MARCHF5: variants seen among roughly 807,000 people sequenced by gnomAD.
MARCHF5 encodes the protein membrane associated ring-CH-type finger 5.
MARCHF5 carries 5 observed loss-of-function variants against 36.5 expected under a neutral mutation model. The ratio of observed to expected loss-of-function variants is 0.14; its 90% CI spans 0.07 to 0.29. The LOEUF is 0.29. Ranked by LOEUF, MARCHF5 falls within the 10% of genes least tolerant of loss-of-function variation. The pLI, the probability that MARCHF5 is intolerant of heterozygous loss-of-function variation, is 1.00. For synonymous variants in MARCHF5, 103 were observed against 109.9 expected, an observed-to-expected ratio of 0.94 and a Z score of 0.39; for missense variants, 179 against 336.3, an observed-to-expected ratio of 0.53 and a Z score of 3.66.
intron 1 of MARCHF5, among the ~76,000 whole-genome samples, chr10:92,295,354 A>C: frequency 1.1e-5 from 1 of 92,070 alleles, no homozygotes; most frequent in Non-Finnish European, 2.1e-5. Flanking sequence ...GCGAAGTCTC[A>C]CTCTGTCACT....
chr10:92,349,358 C>A lies in MARCHF5; in HGVS notation c.379C>A (p.His127Asn). 1 of 1,610,326 alleles carries A rather than the reference C, an allele frequency of 6.2e-7. No individual in the cohort carries two copies. Among genetic ancestry groups the A allele is most frequent in the South Asian group, 1.1e-5 (1 of 90,254 alleles). ...GCTATCTGTTTCACAGGTTGTAGGT[C>A]ATAAAGAAGGTCTGGATGTTATGGA... is the stretch of plus-strand genomic sequence containing the variant. ...GAVTVMQVVG[H>N]KEGLDVMERA... The change falls in exon 4 of 6, where the codon CAT (histidine) becomes AAT (asparagine). Residue 127 changes from histidine (H) to asparagine (N), a missense_variant. This residue lies in a region of MARCHF5 where 66 missense variants were observed against 180.5 expected (regional missense o/e 0.37). Transcript: ENST00000358935.
chr10:92,325,181 A>G (rs1843340841), intron 2 of MARCHF5, among the ~76,000 whole-genome samples: 1 of 152,202 alleles, frequency 6.6e-6, no homozygotes, highest in South Asian at 2.1e-4. Context: ...AAAAAAAAGA[A>G]AAAGAAAAAC....
At chr10:92,292,563 A>G (rs1376857560) in intron 1 of MARCHF5, among the ~76,000 whole-genome samples, 1 of 152,108 alleles carries the variant, frequency 6.6e-6, no homozygotes, top group African/African-American at 2.4e-5. Context: ...AACACAAATG[A>G]CCCAAGGGTA....
At chr10:92,334,047 A>G (rs918474932) in intron 2 of MARCHF5, among the ~76,000 whole-genome samples, 3 of 152,134 alleles carry the variant, frequency 2.0e-5, no homozygotes, top group Non-Finnish European at 4.4e-5. Context: ...AAAATTAGCT[A>G]GGTGTGGTGG....
chr10:92,342,288 A>G (rs1843590149), intron 3 of MARCHF5, among the ~76,000 whole-genome samples: 2 of 151,982 alleles, frequency 1.3e-5, no homozygotes, highest in African/African-American at 4.8e-5. Flanking sequence ...AGCTGGGACT[A>G]CAGGCACACA....
In MARCHF5 at chr10:92,352,747, TTGAA is replaced by T. The variant is rs1402052924; in HGVS notation, c.*1544_*1547del. 2 of 152,648 alleles carry T rather than the reference TTGAA, an allele frequency of 1.3e-5. No individual in the cohort carries two copies. Among genetic ancestry groups the T allele is most frequent in the African/African-American group, 4.8e-5 (2 of 41,456 alleles). 9.5% of individuals were successfully genotyped at this position (152,648 alleles called of 1,614,324 possible). On this transcript the variant is annotated 3_prime_UTR_variant, in exon 6 of 6. Transcript: ENST00000358935. ...TAATTTTGAGTTATATGATGTTTATTTGAATGACTGTTGAACATTCAAATTTGTA... is the reference window on the plus strand; with the variant it reads ...TAATTTTGAGTTATATGATGTTTATTTGACTGTTGAACATTCAAATTTGTA...
intron 3 of MARCHF5, among the ~76,000 whole-genome samples, chr10:92,343,927 A>C (rs1843610113): frequency 6.6e-6 from 1 of 152,196 alleles, no homozygotes; most frequent in African/African-American, 2.4e-5. Context: ...TCACCTGAGG[A>C]GGGAGGATCA....
chr10:92,310,282 C>T (rs1161608811), intron 1 of MARCHF5, among the ~76,000 whole-genome samples: 2 of 152,070 alleles, frequency 1.3e-5, no homozygotes, highest in East Asian at 1.9e-4. Context: ...AGGGGAGGAG[C>T]GAAGGGTCTC....
chr10:92,336,929 C>T (rs751988866), intron 2 of MARCHF5, among the ~76,000 whole-genome samples: 2 of 151,996 alleles, frequency 1.3e-5, no homozygotes, highest in Non-Finnish European at 2.9e-5. Context: ...TTGAGACCAG[C>T]CTAGGCAACG....
At chr10:92,336,014 T>C (rs1843498191) in intron 2 of MARCHF5, among the ~76,000 whole-genome samples, 1 of 152,206 alleles carries the variant, frequency 6.6e-6, no homozygotes, top group South Asian at 2.1e-4. Flanking sequence ...AAGATCATTT[T>C]CCCTTTGGAG....
At chr10:92,312,156 G>A (rs1843152273) in intron 2 of MARCHF5, among the ~76,000 whole-genome samples, 1 of 152,104 alleles carries the variant, frequency 6.6e-6, no homozygotes, top group South Asian at 2.1e-4. Flanking sequence ...GGGGCAGAGG[G>A]AATTCAGGAA....
chr10:92,333,916 G>A (rs574381883), intron 2 of MARCHF5, among the ~76,000 whole-genome samples: 2 of 152,254 alleles, frequency 1.3e-5, no homozygotes, highest in African/African-American at 4.8e-5. Flanking sequence ...AGGGCCGGGT[G>A]CAGTGCCTCA....
chr10:92,291,572 C>T, intron 1 of MARCHF5, 43 bp downstream of exon 1: 1 of 1,505,894 alleles, frequency 6.6e-7, no homozygotes, highest in Non-Finnish European at 8.9e-7. Flanking sequence ...CCGACCCTCG[C>T]TCTGGCCCTG....
intron 2 of MARCHF5, among the ~76,000 whole-genome samples, chr10:92,328,298 C>G (rs1451223631): frequency 1.4e-5 from 2 of 148,122 alleles, no homozygotes; most frequent in Non-Finnish European, 3.0e-5. Flanking sequence ...GATTATTTGG[C>G]TGTTGTAGTG....
At chr10:92,328,337 CTT>C (rs946503697) in intron 2 of MARCHF5, among the ~76,000 whole-genome samples, 29 of 123,472 alleles carry the variant, frequency 2.3e-4, no homozygotes, top group Middle Eastern at 4.2e-3. Context: ...TGTAAAGTTA[CTT>C]TTTTTTTTTT....
chr10:92,311,023 G>C (rs907779506), intron 1 of MARCHF5, 112 bp from the exon 2 acceptor site: 22 of 724,360 alleles, frequency 3.0e-5, no homozygotes, highest in Non-Finnish European at 4.1e-5. Flanking sequence ...ATATAGGACA[G>C]AGATTCTGTA....
intron 3 of MARCHF5, among the ~76,000 whole-genome samples, chr10:92,344,683 T>G (rs896399565): frequency 6.6e-6 from 1 of 152,200 alleles, no homozygotes; most frequent in Non-Finnish European, 1.5e-5. Flanking sequence ...AACCCTGCAG[T>G]ACAAGTAAAC....
At chr10:92,304,678 G>T (rs1343091796) in intron 1 of MARCHF5, among the ~76,000 whole-genome samples, 1 of 152,118 alleles carries the variant, frequency 6.6e-6, no homozygotes, top group Admixed American at 6.6e-5. Context: ...TCTAATTGCT[G>T]TGCTGCTAAT....
At chr10:92,301,983 C>T (rs554964085) in intron 1 of MARCHF5, among the ~76,000 whole-genome samples, 1 of 152,282 alleles carries the variant, frequency 6.6e-6, no homozygotes, top group East Asian at 1.9e-4. Flanking sequence ...ATCGCTTGAA[C>T]CCGGGAGGCA....
Sources: allele counts gnomAD v4.1 joint callset (sites outside exome capture counted in the v4.1 genomes callset), GRCh38; gene constraint gnomAD v4.1.1; regional missense constraint gnomAD v4.1.1; transcripts MANE v1.5; gene names NCBI Gene and HGNC (gene_info 2026-07-23, HGNC 2026-07-21).